ZNF516: variants seen among roughly 807,000 people sequenced by gnomAD.
The protein encoded by ZNF516 is zinc finger protein 516.
ZNF516 carries 19 observed loss-of-function variants against 79.7 expected under a neutral mutation model. That is an observed-to-expected ratio of 0.24 (90% CI 0.17 to 0.35). The LOEUF (loss-of-function observed/expected upper bound fraction) is 0.35, where lower values mean the gene tolerates loss of function less well. ZNF516 is among the 10% of genes least tolerant of loss of function. ZNF516 has a pLI of 1.00. For synonymous variants in ZNF516, 877 were observed against 739.5 expected, an observed-to-expected ratio of 1.19 and a Z score of -3.02; for missense variants, 1,678 against 1,679.5, an observed-to-expected ratio of 1.00 and a Z score of 0.02.
intron 3 of ZNF516, among the ~76,000 whole-genome samples, chr18:76,402,298 C>G (rs1445730261): frequency 1.3e-5 from 2 of 152,170 alleles, no homozygotes; most frequent in East Asian, 3.9e-4. Flanking sequence ...GAGAGTAAAC[C>G]TGAAGAAAGG....
intron 3 of ZNF516, among the ~76,000 whole-genome samples, chr18:76,435,373 T>C (rs1270089108): frequency 6.6e-6 from 1 of 152,224 alleles, no homozygotes; most frequent in African/African-American, 2.4e-5. Flanking sequence ...CATGCATAGA[T>C]TATCAACGCT....
chr18:76,496,183 G>C (rs1915474121), upstream of ZNF516: 1 of 1,101,700 alleles, frequency 9.1e-7, no homozygotes, highest in Non-Finnish European at 1.2e-6. Context: ...GGAGGGGCGG[G>C]TCGGAGCTAG....
intron 3 of ZNF516, among the ~76,000 whole-genome samples, chr18:76,420,128 G>A (rs942898213): frequency 1.3e-5 from 2 of 152,236 alleles, no homozygotes; most frequent in African/African-American, 4.8e-5. Context: ...GGTTTTCACT[G>A]TTGGTAGTCA....
At chr18:76,399,163 T>A (rs370381535) in intron 3 of ZNF516, among the ~76,000 whole-genome samples, 1 of 123,182 alleles carries the variant, frequency 8.1e-6, no homozygotes, top group African/African-American at 3.3e-5. Context: ...TCCCCGTACA[T>A]GGAAGAGCCA....
chr18:76,389,371 G>C (rs1286916419), intron 3 of ZNF516: 2 of 152,118 alleles, frequency 1.3e-5, no homozygotes, highest in East Asian at 1.9e-4. Flanking sequence ...AGAAATCAAT[G>C]AGAATGAGAT....
In ZNF516 at chr18:76,362,178, C is replaced by T. The variant is rs7230062; in HGVS notation, c.*320G>A. On this transcript the variant is annotated 3_prime_UTR_variant, in exon 7 of 7. Transcript: ENST00000443185. The stretch of plus-strand genomic sequence containing the variant: ...CTTGAATAAGACAGATGCCTTGTGC[C>T]CCTACTGTGCCTGCCAGTACTACTG... 5,456 of 267,120 alleles carry T rather than the reference C, an allele frequency of 0.02. 286 individuals carry two copies. The highest frequency in any genetic ancestry group is 0.11 in the African/African-American group (4,920 of 45,940). 16.5% of individuals were successfully genotyped at this position (267,120 alleles called of 1,614,324 possible).
chr18:76,428,880 A>T (rs1039361503), intron 3 of ZNF516, among the ~76,000 whole-genome samples: 12 of 152,278 alleles, frequency 7.9e-5, no homozygotes, highest in African/African-American at 2.7e-4. Flanking sequence ...AAGGATGAGC[A>T]GAACTCTAAA....
intron 1 of ZNF516, among the ~76,000 whole-genome samples, chr18:76,470,168 G>A (rs1052852809): frequency 2.6e-5 from 4 of 152,146 alleles, no homozygotes; most frequent in Admixed American, 6.5e-5. Context: ...ATTTGGAACC[G>A]CCCATTGGTG....
chr18:76,480,323 C>T (rs912050228), intron 1 of ZNF516, among the ~76,000 whole-genome samples: 6 of 151,994 alleles, frequency 3.9e-5, no homozygotes, highest in African/African-American at 1.5e-4. Context: ...CACTAGAAAA[C>T]GTAAAGTGAT....
intron 1 of ZNF516, among the ~76,000 whole-genome samples, chr18:76,477,396 T>C (rs1914235697): frequency 6.6e-6 from 1 of 152,164 alleles, no homozygotes. Flanking sequence ...ACAGGTAACC[T>C]GAAGTGTCAC....
At chr18:76,371,323 T>A in intron 5 of ZNF516, 144 bp downstream of exon 5, 1 of 763,748 alleles carries the variant, frequency 1.3e-6, no homozygotes. Context: ...CTGTATACGA[T>A]CCCGGAGGCA....
chr18:76,490,803 G>A (rs953593338), intron 1 of ZNF516: 1 of 985,442 alleles, frequency 1.0e-6, no homozygotes, highest in Non-Finnish European at 1.2e-6. Context: ...CACGACGAGC[G>A]GACCGGAGGG....
intron 1 of ZNF516, among the ~76,000 whole-genome samples, chr18:76,464,007 G>A (rs1913288052): frequency 6.6e-6 from 1 of 152,096 alleles, no homozygotes; most frequent in Admixed American, 6.5e-5. Flanking sequence ...ACCACGCCAT[G>A]TTTCTCCATC....
At chr18:76,469,148 A>G (rs1021829657) in intron 1 of ZNF516, among the ~76,000 whole-genome samples, 4 of 152,242 alleles carry the variant, frequency 2.6e-5, no homozygotes, top group Non-Finnish European at 5.9e-5. Context: ...GAGGTAGTCA[A>G]ATCAGGGTGT....
chr18:76,452,205 C>T (rs1912456339), intron 2 of ZNF516, among the ~76,000 whole-genome samples: 1 of 152,224 alleles, frequency 6.6e-6, no homozygotes, highest in African/African-American at 2.4e-5. Context: ...CCACAACAGA[C>T]CTGATGTGGG....
intron 4 of ZNF516, among the ~76,000 whole-genome samples, chr18:76,373,482 T>C (rs1361757007): frequency 6.6e-6 from 1 of 152,250 alleles, no homozygotes; most frequent in East Asian, 1.9e-4. Context: ...AGGTACAATC[T>C]AGACTGCTTC....
chr18:76,472,717 G>C (rs113461810), intron 1 of ZNF516, among the ~76,000 whole-genome samples: 3 of 152,262 alleles, frequency 2.0e-5, no homozygotes, highest in African/African-American at 4.8e-5. Flanking sequence ...GGTCAAACAG[G>C]ATGGCTCCAA....
rs535558930 is a variant in ZNF516, at chr18:76,380,856, C to T, written c.1811-553G>A. Among the ~76,000 whole-genome samples, 12 of 152,330 alleles carry T rather than the reference C, an allele frequency of 7.9e-5. No homozygotes were observed. In the South Asian group the frequency reaches 2.5e-3, roughly 32 times the overall value. On this transcript the variant is annotated intron_variant, in intron 3 of 6. Coordinates refer to ENST00000443185, the MANE Select transcript of ZNF516 (RefSeq NM_014643.4). ...GGCTACCGACCACCTTCCGCCTCAG[C>T]CATAGGGCTCCCTCCCTACGCATCT...
chr18:76,418,961 G>A (rs1278907698), intron 3 of ZNF516, among the ~76,000 whole-genome samples: 4 of 152,318 alleles, frequency 2.6e-5, no homozygotes, highest in South Asian at 4.1e-4. Context: ...TTCCGCAGAC[G>A]AAAAATGTGA....
Sources: gnomAD v4.1 joint callset for allele counts (sites outside exome capture counted in the v4.1 genomes callset) on GRCh38, gnomAD v4.1.1 for gene constraint, MANE v1.5 for transcripts, NCBI Gene and HGNC (gene_info 2026-07-23, HGNC 2026-07-21) for gene names.